TANGO6: variants seen among roughly 807,000 people sequenced by gnomAD.
TANGO6 encodes transport and golgi organization 6 homolog.
TANGO6 carries 90 observed loss-of-function variants against 114.2 expected under a neutral mutation model. That is an observed-to-expected ratio of 0.79 (90% CI 0.66 to 0.94). The LOEUF is 0.94. Among genes scored for constraint, TANGO6 ranks in the 40% least tolerant of loss-of-function variants. TANGO6 has a pLI of 0.00. For synonymous variants in TANGO6, 477 were observed against 509.8 expected (o/e 0.94, Z 0.87); for missense variants, 1,274 against 1,315.3 (o/e 0.97, Z 0.49).
chr16:68,861,697 C>T (rs1962094825), intron 2 of TANGO6, among the ~76,000 whole-genome samples: 1 of 152,126 alleles, frequency 6.6e-6, no homozygotes, highest in Admixed American at 6.5e-5. Context: ...AAGGAGTTGA[C>T]AGAGGGAAAA....
At chr16:69,014,619 G>T (rs1463819945) in intron 15 of TANGO6, among the ~76,000 whole-genome samples, 1 of 152,134 alleles carries the variant, frequency 6.6e-6, no homozygotes, top group Non-Finnish European at 1.5e-5. Context: ...CCTGGGCTGG[G>T]CACAGTGGCT....
intron 10 of TANGO6, among the ~76,000 whole-genome samples, chr16:68,907,943 C>T (rs1033910758): frequency 6.6e-6 from 1 of 152,144 alleles, no homozygotes; most frequent in African/African-American, 2.4e-5. Flanking sequence ...TCCTTTCTGA[C>T]TGTTGTTTTG....
At chr16:68,850,839 C>T (rs886467461) in intron 1 of TANGO6, among the ~76,000 whole-genome samples, 2 of 152,082 alleles carry the variant, frequency 1.3e-5, no homozygotes, top group Admixed American at 6.6e-5. Flanking sequence ...TGACATAGAG[C>T]GCAGAATTTG....
In TANGO6 at chr16:69,083,588, A is replaced by T; in HGVS notation, c.3212A>T (p.Glu1071Val). ...CTCCATGCCCAGTTGGCCCTAGAAG[A>T]GCTGGATGACATCATGAAAAACTTC... ...AKLHAQLALE[E>V]LDDIMKNFLF... Residue 1071 changes from glutamate to valine, a missense_variant, in exon 18 of 18, where the codon GAG becomes GTG. Glu to Val is a moderately radical substitution (Grantham distance 121, BLOSUM62 -2). Coordinates refer to ENST00000261778, the MANE Select transcript of TANGO6 (RefSeq NM_024562.2). 6.2e-7 allele frequency: 1 copy of T among 1,600,576 alleles called. No homozygotes were observed. The highest frequency in any genetic ancestry group is 8.5e-7 in the Non-Finnish European group (1 of 1,173,552).
At chr16:69,002,513 A>G (rs1964053418) in intron 15 of TANGO6, among the ~76,000 whole-genome samples, 1 of 152,072 alleles carries the variant, frequency 6.6e-6, no homozygotes, top group South Asian at 2.1e-4. Context: ...TGGTTTTATA[A>G]GACAGTTTTC....
chr16:68,857,303 C>G (rs1452155508), intron 1 of TANGO6, among the ~76,000 whole-genome samples: 6 of 152,006 alleles, frequency 3.9e-5, no homozygotes, highest in African/African-American at 1.5e-4. Context: ...TTTAAGGGTC[C>G]TCCATGTCTT....
intron 4 of TANGO6, among the ~76,000 whole-genome samples, chr16:68,871,399 T>A (rs1457811487): frequency 1.3e-5 from 2 of 152,130 alleles, no homozygotes; most frequent in African/African-American, 4.8e-5. Context: ...TCTTTATGGT[T>A]TTTTTTCTGC....
chr16:69,063,781 TTTCTTCTTCTTC>T (rs575958202), intron 17 of TANGO6, among the ~76,000 whole-genome samples: 9 of 115,466 alleles, frequency 7.8e-5, no homozygotes, highest in African/African-American at 2.1e-4. Context: ...TAGCCATACT[TTTCTTCTTCTTC>T]TTCTTCTTCT....
intron 7 of TANGO6, among the ~76,000 whole-genome samples, chr16:68,897,590 T>G (rs1962722876): frequency 6.6e-6 from 1 of 152,026 alleles, no homozygotes; most frequent in South Asian, 2.1e-4. Flanking sequence ...TTTTTTTTTT[T>G]TTTTTGAGAC....
chr16:69,037,731 G>A (rs1417836808), intron 16 of TANGO6, among the ~76,000 whole-genome samples: 1 of 152,160 alleles, frequency 6.6e-6, no homozygotes, highest in African/African-American at 2.4e-5. Flanking sequence ...CAGCTTGCTG[G>A]GTCTTACTGA....
At chr16:68,844,465 A>G (rs1285779672) in intron 1 of TANGO6, among the ~76,000 whole-genome samples, 1 of 152,166 alleles carries the variant, frequency 6.6e-6, no homozygotes, top group East Asian at 1.9e-4. Context: ...GCTTTTGGAA[A>G]GGACGTGGAA....
At chr16:68,885,379 T>C (rs151042741) in intron 7 of TANGO6, among the ~76,000 whole-genome samples, 70 of 152,338 alleles carry the variant, frequency 4.6e-4, no homozygotes, top group Middle Eastern at 6.8e-3. Context: ...TTGCAACCAT[T>C]GTCAGTCTAA....
At chr16:68,844,723 A>G (rs1194211143) in intron 1 of TANGO6, among the ~76,000 whole-genome samples, 1 of 152,142 alleles carries the variant, frequency 6.6e-6, no homozygotes, top group Non-Finnish European at 1.5e-5. Context: ...CATACACATC[A>G]TTTAATCCTC....
In TANGO6 at chr16:69,083,260, C is replaced by T. The variant is rs186991731; in HGVS notation, c.3109-225C>T. 2.3e-3 allele frequency among the ~76,000 whole-genome samples: 357 copies of T among 152,092 alleles called. 1 individual carries two copies. Among genetic ancestry groups the T allele is most frequent in the Non-Finnish European group, 4.3e-3 (294 of 67,990 alleles). On this transcript the variant is annotated intron_variant, in intron 17 of 17. Transcript: ENST00000261778. ...ATATTTTGTAGAGATGGGGTTTTGC[C>T]ACGTTGCCCACGCTGGTCTCAAACT...
chr16:68,985,153 G>A (rs1235482965), intron 15 of TANGO6, among the ~76,000 whole-genome samples: 4 of 152,044 alleles, frequency 2.6e-5, no homozygotes, highest in African/African-American at 4.8e-5. Flanking sequence ...GATTACAGGC[G>A]TGAACTACCA....
chr16:68,902,435 T>C lies in TANGO6; in HGVS notation c.1598T>C (p.Leu533Pro), dbSNP rs765861817. 1.9e-6 allele frequency: 3 copies of C among 1,613,850 alleles called. No homozygotes were observed. The highest frequency in any genetic ancestry group is 2.5e-6 in the Non-Finnish European group (3 of 1,179,810). ...FAGLDKAVPSLHSLCQFRVAT... is the reference protein window; with the variant it reads ...FAGLDKAVPSPHSLCQFRVAT... Reference sequence around the variant, plus strand: ...GGGTTGGACAAAGCTGTGCCCTCTCTCCATTCTCTGTGTCAGTTTAGAGTT... The same window carrying C: ...GGGTTGGACAAAGCTGTGCCCTCTCCCCATTCTCTGTGTCAGTTTAGAGTT... The change falls in exon 9 of 18, where the codon CTC becomes CCC. Residue 533 changes from leucine to proline, a missense_variant. By Grantham distance (98) the Leu-to-Pro change is moderately conservative (BLOSUM62 -3). Transcript: ENST00000261778.
At chr16:68,961,921 C>G (rs942591290) in intron 14 of TANGO6, among the ~76,000 whole-genome samples, 2 of 152,238 alleles carry the variant, frequency 1.3e-5, no homozygotes, top group African/African-American at 4.8e-5. Context: ...AAAATATCAC[C>G]CTTTAGCAGG....
At chr16:68,937,929 C>T (rs1318090705) in intron 14 of TANGO6, among the ~76,000 whole-genome samples, 1 of 152,152 alleles carries the variant, frequency 6.6e-6, no homozygotes. Flanking sequence ...CGTATGTTTT[C>T]ATTTCCCCTG....
chr16:68,954,786 A>G (rs1963509164), intron 14 of TANGO6, among the ~76,000 whole-genome samples: 1 of 152,204 alleles, frequency 6.6e-6, no homozygotes, highest in African/African-American at 2.4e-5. Context: ...AAAAAACCAT[A>G]TGGCATTATT....
Sources: gnomAD v4.1 joint callset for allele counts (sites outside exome capture counted in the v4.1 genomes callset) on GRCh38, gnomAD v4.1.1 for gene constraint, MANE v1.5 for transcripts, NCBI Gene and HGNC (gene_info 2026-07-23, HGNC 2026-07-21) for gene names.